HTT: variants seen among roughly 807,000 people sequenced by gnomAD.
The protein encoded by HTT is huntingtin.
Under a neutral mutation model 362.3 loss-of-function variants are expected in HTT, and 104 were observed. The ratio of observed to expected loss-of-function variants is 0.29; its 90% CI spans 0.24 to 0.34. The LOEUF is 0.34. Among genes scored for constraint, HTT ranks in the 10% least tolerant of loss-of-function variants. The pLI, the probability that HTT is intolerant of heterozygous loss-of-function variation, is 1.00. For synonymous variants in HTT, 1,577 were observed against 1,548.7 expected (o/e 1.02, Z -0.43); for missense variants, 3,301 against 3,928.6 (o/e 0.84, Z 4.27).
chr4:3,159,531 C>G (rs116052766), intron 28 of HTT, among the ~76,000 whole-genome samples: 4 of 152,314 alleles, frequency 2.6e-5, no homozygotes, highest in East Asian at 1.9e-4. Context: ...TAGGGCACAC[C>G]CAGGTTGACT....
chr4:3,228,922 T>G lies in HTT; in HGVS notation c.8022T>G (p.Phe2674Leu). The stretch of plus-strand genomic sequence containing the variant: ...TTGACATCCACTCCTGTTCGCAGTT[T>G]TTGCTTGAGTTGTACAGCCGCTGGA... ...AGVDIHSCSQ[F>L]LLELYSRWIL... Residue 2674 changes from phenylalanine (F) to leucine (L), a missense_variant, in exon 59 of 67, where the codon TTT (phenylalanine) becomes TTG (leucine). This residue lies in a region of HTT where 753 missense variants were observed against 1,021.3 expected (regional missense o/e 0.74). Coordinates refer to ENST00000355072, the MANE Select transcript of HTT (RefSeq NM_001388492.1). This position sits in a 1 kb window ranked among gnomAD's most constrained non-coding sequence, Gnocchi z 4.3. 2 of 1,613,846 alleles carry G rather than the reference T, an allele frequency of 1.2e-6. No homozygotes were observed. Among genetic ancestry groups the G allele is most frequent in the East Asian group, 4.5e-5 (2 of 44,882 alleles).
At chr4:3,162,162 C>G (rs1053603149) in intron 29 of HTT, among the ~76,000 whole-genome samples, 9 of 152,150 alleles carry the variant, frequency 5.9e-5, no homozygotes, top group African/African-American at 2.2e-4. Context: ...TTTCCCAACA[C>G]CATTTATTAA....
chr4:3,098,136 T>C (rs2110154201), intron 2 of HTT, among the ~76,000 whole-genome samples: 1 of 152,372 alleles, frequency 6.6e-6, no homozygotes, highest in East Asian at 1.9e-4. Flanking sequence ...CAGTACTGCT[T>C]TGGAGCACAG....
At chr4:3,154,047 C>G (rs1315713771) in intron 26 of HTT, among the ~76,000 whole-genome samples, 1 of 152,140 alleles carries the variant, frequency 6.6e-6, no homozygotes, top group Non-Finnish European at 1.5e-5. Context: ...CCATCTTCAA[C>G]TCATTCTCTG....
intron 4 of HTT, among the ~76,000 whole-genome samples, chr4:3,104,843 A>G (rs548308220): frequency 7.9e-5 from 12 of 152,218 alleles, no homozygotes; most frequent in African/African-American, 1.4e-4. Flanking sequence ...GGTTGAATCT[A>G]TAGGTAGCTG....
At chr4:3,094,693 CG>C (rs1713740889) in intron 2 of HTT, among the ~76,000 whole-genome samples, 1 of 109,936 alleles carries the variant, frequency 9.1e-6, no homozygotes, top group South Asian at 2.6e-4. Context: ...CCGGACGGGG[CG>C]GCTGGCCGGG....
At chr4:3,134,306 T>G in intron 18 of HTT, 95 bp from the exon 19 acceptor site, 1 of 1,047,288 alleles carries the variant, frequency 9.5e-7, no homozygotes, top group Non-Finnish European at 1.4e-6. Context: ...ACCCAGAACA[T>G]TGTGTGTTGA....
chr4:3,146,954 G>A lies in HTT; in HGVS notation c.3295+6G>A, dbSNP rs747587643. On this transcript the variant is annotated splice_donor_region_variant and intron_variant, in intron 25 of 66. Transcript: ENST00000355072. ...GGCCGGAAACTTGCTTGCAGGTACT[G>A]GTACTGAGTTGAAACAGGGACTCCA... 1.2e-6 allele frequency: 2 copies of A among 1,614,078 alleles called. No homozygotes were observed. The highest frequency in any genetic ancestry group is 3.3e-5 in the Admixed American group (2 of 60,006).
chr4:3,151,069 C>A lies in HTT; in HGVS notation c.3498+2862C>A, dbSNP rs541784591. ...CAAAACAAAACAAAAAAAAAAAAAA[C>A]CAGGCTGCACAGGAAGAAGTGAGCA... On this transcript the variant is annotated intron_variant, in intron 26 of 66. Transcript: ENST00000355072. Among the ~76,000 whole-genome samples, 224 of 150,956 alleles carry A rather than the reference C, an allele frequency of 1.5e-3. 2 individuals are homozygous for A. Among genetic ancestry groups the A allele is most frequent in the African/African-American group, 4.8e-3 (198 of 41,146 alleles).
chr4:3,205,680 T>C (rs1260431041), intron 42 of HTT, among the ~76,000 whole-genome samples: 1 of 152,180 alleles, frequency 6.6e-6, no homozygotes, highest in Non-Finnish European at 1.5e-5. Flanking sequence ...TTTTCGGATT[T>C]AGGGAGCTCA....
In HTT at chr4:3,131,682, G is replaced by A. The variant is rs766020850; in HGVS notation, c.2143G>A (p.Ala715Thr). ...TGTGAGGGTCAGCGTGAAGGCCCTG[G>A]CCCTCAGCTGTGTGGGAGCAGCTGT... Reference protein sequence around the residue: ...RDVRVSVKALALSCVGAAVAL... With the variant: ...RDVRVSVKALTLSCVGAAVAL... The change falls in exon 16 of 67, where the codon GCC becomes ACC. Residue 715 changes from alanine to threonine, a missense_variant. This residue lies in a region of HTT where 2,316 missense variants were observed against 2,658.5 expected (regional missense o/e 0.87). Coordinates refer to ENST00000355072, the MANE Select transcript of HTT (RefSeq NM_001388492.1). 83 of 1,613,962 alleles carry A rather than the reference G, an allele frequency of 5.1e-5. 2 individuals are homozygous for A. The South Asian group carries it at 8.6e-4, about 17-fold the overall frequency.
At chr4:3,108,608 A>G (rs1415520295) in intron 6 of HTT, among the ~76,000 whole-genome samples, 2 of 152,016 alleles carry the variant, frequency 1.3e-5, no homozygotes, top group African/African-American at 4.8e-5. Flanking sequence ...AGTTCTCATC[A>G]TTTTCATGAT....
At chr4:3,176,627 C>G (rs1001784290) in intron 33 of HTT, among the ~76,000 whole-genome samples, 4 of 152,210 alleles carry the variant, frequency 2.6e-5, no homozygotes, top group African/African-American at 7.2e-5. Flanking sequence ...AGAACAAAGA[C>G]TGCTCTGGTT....
At chr4:3,185,606 T>C (rs985231775) in intron 37 of HTT, among the ~76,000 whole-genome samples, 2 of 152,230 alleles carry the variant, frequency 1.3e-5, no homozygotes, top group Non-Finnish European at 2.9e-5. Context: ...TAGCTTGGGC[T>C]ATTTTGCATG....
intron 29 of HTT, among the ~76,000 whole-genome samples, chr4:3,166,695 G>A (rs999095584): frequency 6.6e-6 from 1 of 152,282 alleles, no homozygotes; most frequent in African/African-American, 2.4e-5. Context: ...CGATTTCAGA[G>A]TGCTGCGCTA....
chr4:3,174,534 A>T (rs1454953585), intron 31 of HTT, among the ~76,000 whole-genome samples, 187 bp from the exon 32 acceptor site: 1 of 152,246 alleles, frequency 6.6e-6, no homozygotes. Context: ...TGTAAACTCT[A>T]AATAGAGTGT....
chr4:3,087,135 T>C (rs1176462077), intron 2 of HTT, 113 bp downstream of exon 2: 3 of 585,014 alleles, frequency 5.1e-6, no homozygotes, highest in Non-Finnish European at 9.3e-6. Context: ...AGAAATCCAT[T>C]TAAGATGAAG....
intron 53 of HTT, 21 bp from the exon 54 acceptor site, chr4:3,222,366 A>C (rs374825172): frequency 3.8e-6 from 6 of 1,599,824 alleles, no homozygotes; most frequent in Non-Finnish European, 5.1e-6. Flanking sequence ...ACACTCTCTC[A>C]TGTAACATTT....
At chr4:3,135,698 T>G (rs939732445) in intron 19 of HTT, among the ~76,000 whole-genome samples, 4 of 152,196 alleles carry the variant, frequency 2.6e-5, no homozygotes, top group Admixed American at 6.5e-5. Context: ...AAAAACAGTT[T>G]ACTGAGTACT....
Sources: allele counts gnomAD v4.1 joint callset (sites outside exome capture counted in the v4.1 genomes callset), GRCh38; gene constraint gnomAD v4.1.1; regional missense constraint gnomAD v4.1.1; non-coding constraint Gnocchi (gnomAD v3.1); transcripts MANE v1.5; gene names NCBI Gene and HGNC (gene_info 2026-07-23, HGNC 2026-07-21).